Variants in KPLCE observed in about 807,000 individuals in gnomAD.
KPLCE encodes KPRP N-terminal and LCE C-terminal like protein.
the KPLCE span, chr1:152,719,720 T>C: frequency 6.4e-7 from 1 of 1,552,176 alleles, no homozygotes; most frequent in Non-Finnish European, 8.7e-7. Flanking sequence ...GACTCAAACC[T>C]ACGTGAAGTG....
chr1:152,719,635 G>A, the KPLCE span: 1 of 1,552,048 alleles, frequency 6.4e-7, no homozygotes, highest in South Asian at 1.2e-5. Flanking sequence ...TTCCATGCCA[G>A]ACCCAAACTG....
At chr1:152,719,584 G>A in the KPLCE span, 4 of 1,551,744 alleles carry the variant, frequency 2.6e-6, no homozygotes, top group Non-Finnish European at 3.5e-6. Flanking sequence ...CGGGACTAGG[G>A]GCTGGGCAGG....
chr1:152,720,030 A>C, the KPLCE span: 2 of 1,551,566 alleles, frequency 1.3e-6, no homozygotes, highest in African/African-American at 2.7e-5. Context: ...TCCACCAGCT[A>C]CTGCTGTCTG....
chr1:152,719,576 G>T, the KPLCE span: 1 of 1,551,818 alleles, frequency 6.4e-7, no homozygotes, highest in South Asian at 1.2e-5. Context: ...GAAAGGTTCG[G>T]GACTAGGGGC....
chr1:152,720,193 T>C, the KPLCE span: 6 of 1,551,740 alleles, frequency 3.9e-6, no homozygotes, highest in African/African-American at 4.1e-5. Flanking sequence ...GTGGCAGCTC[T>C]GGGTGCTGCT....
chr1:152,719,839 C>A, the KPLCE span: 12 of 1,551,230 alleles, frequency 7.7e-6, no homozygotes, highest in South Asian at 8.3e-5. Flanking sequence ...CAACTCCCTG[C>A]CAAACCTACG....
chr1:152,720,033 G>T, the KPLCE span: 2 of 1,551,760 alleles, frequency 1.3e-6, no homozygotes, highest in Admixed American at 2.0e-5. Context: ...ACCAGCTACT[G>T]CTGTCTGGCT....
At chr1:152,719,644 T>C in the KPLCE span, 11 of 1,552,016 alleles carry the variant, frequency 7.1e-6, no homozygotes, top group Non-Finnish European at 9.6e-6. Flanking sequence ...AGACCCAAAC[T>C]GTCTGTGTGA....
At chr1:152,720,112 A>G in the KPLCE span, 545,641 of 1,551,432 alleles carry the variant, frequency 0.35, 98,988 homozygotes, top group African/African-American at 0.51. Flanking sequence ...ACACAGGATC[A>G]TCTGGCTGCT....
chr1:152,719,742 G>T, the KPLCE span: 2 of 1,551,876 alleles, frequency 1.3e-6, no homozygotes, highest in Non-Finnish European at 1.7e-6. Flanking sequence ...CCAGCTCCCT[G>T]CCAGAGGACC....
chr1:152,719,701 T>G, the KPLCE span: 1 of 1,552,070 alleles, frequency 6.4e-7, no homozygotes, highest in South Asian at 1.2e-5. Flanking sequence ...AGTACCAAGT[T>G]CCATGCCAGA....
the KPLCE span, chr1:152,720,198 G>C: frequency 6.4e-7 from 1 of 1,551,714 alleles, no homozygotes. Flanking sequence ...AGCTCTGGGT[G>C]CTGCTGTTTG....
At chr1:152,720,200 T>C in the KPLCE span, 35 of 1,551,632 alleles carry the variant, frequency 2.3e-5, no homozygotes, top group Admixed American at 1.8e-4. Flanking sequence ...CTCTGGGTGC[T>C]GCTGTTTGGG....
chr1:152,719,853 A>T, the KPLCE span: 8 of 1,552,202 alleles, frequency 5.2e-6, no homozygotes, highest in Non-Finnish European at 7.0e-6. Flanking sequence ...ACCTACGTGA[A>T]GTGCCCAGCT....
chr1:152,719,831 A>AC, the KPLCE span: 1 of 1,549,026 alleles, frequency 6.5e-7, no homozygotes, highest in Non-Finnish European at 8.7e-7. Flanking sequence ...AAAATGCCCA[A>AC]CTCCCTGCCA....
the KPLCE span, chr1:152,720,342 G>C: frequency 1.5e-6 from 2 of 1,303,738 alleles, no homozygotes; most frequent in Non-Finnish European, 2.1e-6. Flanking sequence ...CCAGCTTCTG[G>C]CCCCCTCTCT....
chr1:152,720,064 T>A, the KPLCE span: 2 of 1,551,562 alleles, frequency 1.3e-6, no homozygotes, highest in Non-Finnish European at 1.7e-6. Context: ...TCGGGGTGAG[T>A]CCCCTGAGAC....
At chr1:152,719,736 C>T in the KPLCE span, 1 of 1,552,186 alleles carries the variant, frequency 6.4e-7, no homozygotes, top group Admixed American at 2.0e-5. Flanking sequence ...AAGTGCCCAG[C>T]TCCCTGCCAG....
At chr1:152,719,927 G>T in the KPLCE span, 1 of 1,552,030 alleles carries the variant, frequency 6.4e-7, no homozygotes, top group Non-Finnish European at 8.7e-7. Context: ...CTATGTCCAG[G>T]GTGCTTCTCC....
Sources: gnomAD v4.1 joint callset for allele counts on GRCh38, gnomAD v4.1.1 for gene constraint, MANE v1.5 for transcripts, NCBI Gene and HGNC (gene_info 2026-07-23, HGNC 2026-07-21) for gene names.